Variants in PIN4 observed in about 807,000 individuals in gnomAD.
The protein encoded by PIN4 is peptidyl-prolyl cis-trans isomerase NIMA-interacting 4.
PIN4 carries 3 observed loss-of-function variants against 8.3 expected under a neutral mutation model. The ratio of observed to expected loss-of-function variants is 0.36; its 90% CI spans 0.16 to 0.93. The LOEUF is 0.93. Among genes scored for constraint, PIN4 ranks in the 40% least tolerant of loss-of-function variants. The pLI, the probability that PIN4 is intolerant of heterozygous loss-of-function variation, is 0.44. For synonymous variants in PIN4, 18 were observed against 32.5 expected, an observed-to-expected ratio of 0.55 and a Z score of 1.52; for missense variants, 75 against 100.6, an observed-to-expected ratio of 0.75 and a Z score of 1.09.
exon 4 of PIN4, chrX:72,262,732 G>A (rs775005516): frequency 8.7e-7 from 1 of 1,147,576 alleles, no homozygotes; most frequent in South Asian, 1.9e-5. Flanking sequence ...CAACATGCTG[G>A]TCACCATAGA....
chrX:72,231,253 G>C (rs1264753860), intron 3 of PIN4, among the ~76,000 whole-genome samples: 1 of 112,072 alleles, frequency 8.9e-6, no homozygotes, highest in African/African-American at 3.2e-5. Flanking sequence ...TTAAAAGGCA[G>C]GAAATTCTGA....
chrX:72,220,914 G>A (rs773732888), intron 3 of PIN4, among the ~76,000 whole-genome samples: 10 of 111,659 alleles, frequency 9.0e-5, no homozygotes, highest in Non-Finnish European at 1.9e-4. Context: ...CAGGTGCTGG[G>A]GGCAGAGGCT....
At chrX:72,212,103 C>T (rs1172135711) in intron 3 of PIN4, among the ~76,000 whole-genome samples, 1 of 110,016 alleles carries the variant, frequency 9.1e-6, no homozygotes, top group Non-Finnish European at 1.9e-5. Context: ...GGTGAAACCC[C>T]GTCTCTACTA....
chrX:72,215,019 T>C (rs2042880375), intron 3 of PIN4, among the ~76,000 whole-genome samples: 1 of 111,711 alleles, frequency 9.0e-6, no homozygotes, highest in Admixed American at 9.5e-5. Context: ...AACCCACCAA[T>C]CTGTGATATA....
chrX:72,182,366 C>T (rs756829379), intron 1 of PIN4, among the ~76,000 whole-genome samples: 131 of 110,833 alleles, frequency 1.2e-3, no homozygotes, highest in Non-Finnish European at 1.9e-3. Flanking sequence ...CATGGCGAAA[C>T]CCCGTCTCTA....
At chrX:72,187,083 A>G (rs186935562) in intron 2 of PIN4, among the ~76,000 whole-genome samples, 13 of 112,247 alleles carry the variant, frequency 1.2e-4, no homozygotes, top group African/African-American at 4.2e-4. Context: ...AAATGCATTA[A>G]GTTAGATCTT....
chrX:72,239,168 G>T (rs1602456606), intron 3 of PIN4: 1 of 376,074 alleles, frequency 2.7e-6, no homozygotes. Context: ...GAAGCAGAAG[G>T]TGATCTCTGC....
At position 72,181,843 on chromosome X, in the gene PIN4, G is replaced by A. The variant is rs777443550; in HGVS notation, c.43+15G>A. 13 of 999,748 alleles carry A rather than the reference G, an allele frequency of 1.3e-5. No homozygotes were observed. The Admixed American group carries it at 2.6e-4, about 20-fold the overall frequency. The allele number at this position is 999,748 out of a possible 1,213,427, so 82.4% of individuals were successfully genotyped here. On this transcript the variant is annotated intron_variant, in intron 1 of 3. Coordinates refer to ENST00000373669, the MANE Select transcript of PIN4 (RefSeq NM_006223.4). ...AGCGGGGAAAGGTAGAGCGGCCAGA[G>A]CGATCAAGGAGAATGGGGGCGGGTG... is the stretch of plus-strand genomic sequence containing the variant.
chrX:72,260,552 A>G (rs2043134329), intron 3 of PIN4, among the ~76,000 whole-genome samples: 2 of 111,764 alleles, frequency 1.8e-5, no homozygotes, highest in African/African-American at 6.5e-5. Flanking sequence ...TGCCTAGTCC[A>G]GACCTCTCCT....
intron 3 of PIN4, among the ~76,000 whole-genome samples, chrX:72,261,312 A>AC (rs1371901273): frequency 2.8e-5 from 3 of 109,019 alleles, no homozygotes; most frequent in South Asian, 8.0e-4. Flanking sequence ...AAAAAAAAAA[A>AC]AAACCAAAAT....
chrX:72,248,291 GAAAAAAAAAAAAAAAAAAAAAAAAAAA>G (rs55908553), intron 3 of PIN4, among the ~76,000 whole-genome samples: 23,317 of 54,953 alleles, frequency 0.42, 2,503 homozygotes, highest in East Asian at 0.67. Context: ...GCTCCATCCA[GAAAAAAAAAAAAAAAAAAAAAAAAAAA>G]AAAAAAAAAA....
At chrX:72,253,698 G>C (rs2043096912) in intron 3 of PIN4, among the ~76,000 whole-genome samples, 1 of 110,183 alleles carries the variant, frequency 9.1e-6, no homozygotes, top group Non-Finnish European at 1.9e-5. Flanking sequence ...ACTTTGGCAA[G>C]CTGAAGTGGG....
chrX:72,224,498 G>A (rs1016833223), intron 3 of PIN4, among the ~76,000 whole-genome samples: 2 of 111,855 alleles, frequency 1.8e-5, no homozygotes, highest in Admixed American at 9.5e-5. Context: ...TGTAATCACA[G>A]CACTTTGGGA....
At chrX:72,209,361 A>G (rs2042839442) in intron 3 of PIN4, among the ~76,000 whole-genome samples, 1 of 111,934 alleles carries the variant, frequency 8.9e-6, no homozygotes, top group Non-Finnish European at 1.9e-5. Flanking sequence ...CCTTCTGGAC[A>G]TCTCCACTTG....
chrX:72,197,475 G>A lies in PIN4; in HGVS notation c.345G>A (p.Pro115=), dbSNP rs201381459. The A allele has an allele frequency of 4.6e-5, 56 of 1,205,551 alleles. 1 individual carries two copies. The highest frequency in any genetic ancestry group is 3.3e-4 in the African/African-American group (19 of 57,194). The change falls in exon 4 of 4, where the codon CCG becomes CCA. Residue 115 remains proline (P), a synonymous_variant. Coordinates refer to ENST00000373669, the MANE Select transcript of PIN4 (RefSeq NM_006223.4). ...GMDKPVFTDP[P]VKTKFGYHII... ...ATAAGCCTGTGTTTACAGACCCACC[G>A]GTTAAGACAAAATTTGGATATCATA...
chrX:72,237,448 A>C (rs868119865), intron 3 of PIN4, among the ~76,000 whole-genome samples: 1 of 111,235 alleles, frequency 9.0e-6, no homozygotes, highest in Non-Finnish European at 1.9e-5. Flanking sequence ...AATACAAAAA[A>C]TTAGCCGGGT....
At chrX:72,206,494 A>G in intron 3 of PIN4, 1 of 1,211,673 alleles carries the variant, frequency 8.3e-7, no homozygotes, top group Non-Finnish European at 1.1e-6. Flanking sequence ...ATGAGTACTT[A>G]GAAGAGGTGA....
In PIN4 at chrX:72,197,731, A is replaced by G; in HGVS notation, c.*205A>G. 2.1e-6 allele frequency: 2 copies of G among 960,619 alleles called. No individual in the cohort carries two copies. The highest frequency in any genetic ancestry group is 2.6e-6 in the Non-Finnish European group (2 of 766,565). The allele number at this position is 960,619 out of a possible 1,213,427, so 79.2% of individuals were successfully genotyped here. A position where few individuals can be genotyped will look rare whatever the true frequency, so the allele number is the denominator to read the frequency against. On this transcript the variant is annotated 3_prime_UTR_variant, in exon 4 of 4. Transcript: ENST00000373669. ...TAAGTGAATGTCAACTGTAGTAGGT[A>G]TTCAGTCAGTCTTTCTCAAAGAGAA... is the stretch of plus-strand genomic sequence containing the variant.
chrX:72,205,034 T>C, intron 3 of PIN4: 2 of 1,197,075 alleles, frequency 1.7e-6, no homozygotes, highest in Non-Finnish European at 2.3e-6. Flanking sequence ...TTAAGTTGCT[T>C]ATACAAACTT....
Sources: gnomAD v4.1 joint callset for allele counts (sites outside exome capture counted in the v4.1 genomes callset) on GRCh38, gnomAD v4.1.1 for gene constraint, MANE v1.5 for transcripts, NCBI Gene and HGNC (gene_info 2026-07-23, HGNC 2026-07-21) for gene names.